Variants in PPIP5K1 observed in about 807,000 individuals in gnomAD.
PPIP5K1 encodes diphosphoinositol pentakisphosphate kinase 1, also known as inositol hexakisphosphate and diphosphoinositol-pentakisphosphate kinase 1.
In PPIP5K1, 6 loss-of-function variants were observed where a neutral mutation model predicts 27.7. The observed-to-expected ratio is 0.22, with a 90% CI of 0.12 to 0.43. The LOEUF is 0.43. PPIP5K1 is among the 20% of genes least tolerant of loss of function. The pLI is 1.00. For missense variants in PPIP5K1, 394 were observed against 635.4 expected, an observed-to-expected ratio of 0.62 and a Z score of 4.08; for synonymous variants, 145 against 242.6, an observed-to-expected ratio of 0.60 and a Z score of 3.74.
chr15:43,552,645 G>A (rs552189381), intron 30 of PPIP5K1, among the ~76,000 whole-genome samples: 10 of 151,656 alleles, frequency 6.6e-5, no homozygotes, highest in Admixed American at 4.6e-4. Context: ...AGGTTGCACT[G>A]AGCCATGATC....
intron 30 of PPIP5K1, among the ~76,000 whole-genome samples, chr15:43,546,433 A>G (rs2081374515): frequency 2.0e-5 from 3 of 152,080 alleles, no homozygotes. Flanking sequence ...AGTAGCTAAG[A>G]CTACAGGTGC....
At chr15:43,567,401 AG>A (rs2084232487) in intron 26 of PPIP5K1, among the ~76,000 whole-genome samples, 10 of 2,672 alleles carry the variant, frequency 3.7e-3, no homozygotes, top group Middle Eastern at 0.083. Flanking sequence ...TATAGGCATG[AG>A]CCACTGCGCC....
chr15:43,549,086 T>C (rs1274073893), intron 30 of PPIP5K1, among the ~76,000 whole-genome samples: 1 of 117,930 alleles, frequency 8.5e-6, no homozygotes, highest in Non-Finnish European at 1.7e-5. Flanking sequence ...TATATACATA[T>C]ATATAATTTG....
chr15:43,541,447 TG>T (rs1308723211), intron 30 of PPIP5K1, among the ~76,000 whole-genome samples: 2 of 152,092 alleles, frequency 1.3e-5, no homozygotes, highest in African/African-American at 4.8e-5. Flanking sequence ...TCAGGCACGG[TG>T]GCTCATGCCT....
intron 30 of PPIP5K1, chr15:43,548,552 GT>G (rs34145101): frequency 0.18 from 24,067 of 135,298 alleles, 2,115 homozygotes; most frequent in Middle Eastern, 0.27. Flanking sequence ...ACCCTGCGTT[GT>G]TTTTTTTTTT....
chr15:43,534,722 A>C lies in PPIP5K1; in HGVS notation c.4425T>G (p.Pro1475=). The change falls in exon 32 of 32, where the codon CCT becomes CCG. Residue 1475 remains proline, a synonymous_variant. Coordinates refer to ENST00000420765, the MANE Select transcript of PPIP5K1 (RefSeq NM_001394395.1). ...CCTGGGCCTGCAGATCAATCTCCTC[A>C]GGGAACTCTTGGGATGGTTTATCAA... ...PEIDKPSQEF[P]EEIDLQAQEV... 1 of 1,538,876 alleles carries C rather than the reference A, an allele frequency of 6.5e-7. No individual in the cohort carries two copies. The highest frequency in any genetic ancestry group is 8.7e-7 in the Non-Finnish European group (1 of 1,146,374).
chr15:43,539,546 A>T lies in PPIP5K1; in HGVS notation c.3594T>A (p.Asp1198Glu), dbSNP rs2080384163. ...GAGTACGTGGTGGAGAAAATGGGTTATCTGAGGCCTGGCTGCTGTGCATGG... is the reference window on the plus strand; with the variant it reads ...GAGTACGTGGTGGAGAAAATGGGTTTTCTGAGGCCTGGCTGCTGTGCATGG... ...FDSMHSSQAS[D>E]NPFSPPRTLH... Residue 1198 changes from aspartate to glutamate, a missense_variant, in exon 31 of 32, where the codon GAT (aspartate) becomes GAA (glutamate). Around this residue, in one of 4 missense-constraint regions of PPIP5K1, gnomAD observed 379 missense variants for 423.9 expected, o/e 0.89. Coordinates refer to ENST00000420765, the MANE Select transcript of PPIP5K1 (RefSeq NM_001394395.1). The T allele has an allele frequency of 2.5e-6, 4 of 1,609,650 alleles. No homozygotes were observed. Among genetic ancestry groups the T allele is most frequent in the Non-Finnish European group, 8.5e-7 (1 of 1,177,422 alleles).
intron 30 of PPIP5K1, among the ~76,000 whole-genome samples, chr15:43,549,534 T>A (rs1412647957): frequency 6.6e-6 from 1 of 151,984 alleles, no homozygotes; most frequent in Non-Finnish European, 1.5e-5. Flanking sequence ...ATGCCTGTGG[T>A]CCTACCTACT....
At chr15:43,551,894 C>T (rs1433919352) in intron 30 of PPIP5K1, among the ~76,000 whole-genome samples, 7 of 152,078 alleles carry the variant, frequency 4.6e-5, no homozygotes, top group Non-Finnish European at 8.8e-5. Context: ...TGAGCCACCA[C>T]GCCCGGCTCC....
At chr15:43,556,040 C>T (rs540975361) in intron 30 of PPIP5K1, among the ~76,000 whole-genome samples, 1 of 152,198 alleles carries the variant, frequency 6.6e-6, no homozygotes, top group Non-Finnish European at 1.5e-5. Context: ...GCATTCTGGG[C>T]CGGGCGCAGT....
At chr15:43,549,739 G>C (rs1156670254) in intron 30 of PPIP5K1, among the ~76,000 whole-genome samples, 1 of 152,192 alleles carries the variant, frequency 6.6e-6, no homozygotes, top group Non-Finnish European at 1.5e-5. Context: ...GGGAGGCTGA[G>C]GTAGGAGGAT....
chr15:43,535,021 T>A lies in PPIP5K1; in HGVS notation c.4126A>T (p.Lys1376Ter). Residue 1376 changes from lysine to a stop codon, truncating the protein, a stop_gained, in exon 32 of 32, where the codon AAA (lysine) becomes TAA (stop). Transcript: ENST00000420765. LOFTEE classifies it low-confidence loss of function (END_TRUNC). Reference protein sequence around the residue: ...PCQKSSQLCQKVSEEVCQLCL... With the variant: ...PCQKSSQLCQ ...AGCTGGCAAACTTCCTCAGAGACTT[T>A]CTGGCACAGTTGGCTGGACTTCTGG... 6.2e-7 allele frequency: 1 copy of A among 1,613,432 alleles called. No homozygotes were observed. The highest frequency in any genetic ancestry group is 8.5e-7 in the Non-Finnish European group (1 of 1,179,866).
At chr15:43,549,027 C>CAAAA (rs1160828750) in intron 30 of PPIP5K1, among the ~76,000 whole-genome samples, 19 of 28,668 alleles carry the variant, frequency 6.6e-4, no homozygotes, top group Non-Finnish European at 1.0e-3. Context: ...GACTCCATCT[C>CAAAA]AAAAAAAAAA....
intron 29 of PPIP5K1, among the ~76,000 whole-genome samples, chr15:43,559,580 T>C (rs983593344): frequency 2.0e-5 from 3 of 152,164 alleles, no homozygotes; most frequent in Non-Finnish European, 2.9e-5. Flanking sequence ...ACTCTTCTGA[T>C]CTACTGGAAA....
intron 31 of PPIP5K1, among the ~76,000 whole-genome samples, chr15:43,538,600 C>T (rs2080229222): frequency 6.6e-6 from 1 of 151,992 alleles, no homozygotes; most frequent in Admixed American, 6.5e-5. Context: ...CATCTCAGCT[C>T]ACTGCAAGCT....
intron 30 of PPIP5K1, among the ~76,000 whole-genome samples, chr15:43,550,786 C>T (rs529584525): frequency 8.1e-4 from 123 of 152,240 alleles, no homozygotes; most frequent in Non-Finnish European, 1.3e-3. Context: ...CCCTTCTATT[C>T]CTAGTTTGCT....
intron 29 of PPIP5K1, among the ~76,000 whole-genome samples, chr15:43,559,608 G>A (rs1166142134): frequency 1.1e-4 from 16 of 151,326 alleles, no homozygotes; most frequent in South Asian, 2.1e-4. Flanking sequence ...ACTTGCTAGG[G>A]TCTTTCTACT....
At chr15:43,552,719 A>C (rs1028692524) in intron 30 of PPIP5K1, among the ~76,000 whole-genome samples, 5 of 151,310 alleles carry the variant, frequency 3.3e-5, no homozygotes, top group Non-Finnish European at 7.4e-5. Context: ...CAAAAAAAAA[A>C]AGTATGTTGT....
chr15:43,558,636 C>T (rs1363733165), intron 30 of PPIP5K1, among the ~76,000 whole-genome samples, 159 bp downstream of exon 30: 1 of 152,210 alleles, frequency 6.6e-6, no homozygotes, highest in Non-Finnish European at 1.5e-5. Context: ...GGATAACAGA[C>T]ATGAACCACT....
Sources: gnomAD v4.1 joint callset for allele counts (sites outside exome capture counted in the v4.1 genomes callset) on GRCh38, gnomAD v4.1.1 for gene constraint, gnomAD v4.1.1 regional missense constraint, MANE v1.5 for transcripts, NCBI Gene and HGNC (gene_info 2026-07-23, HGNC 2026-07-21) for gene names.